VPS13C: variants seen among roughly 807,000 people sequenced by gnomAD.
The protein encoded by VPS13C is intermembrane lipid transfer protein VPS13C.
VPS13C carries 358 observed loss-of-function variants against 456.8 expected under a neutral mutation model. That is an observed-to-expected ratio of 0.78 (90% confidence interval 0.72 to 0.86). VPS13C has a LOEUF of 0.86. Ranked by LOEUF, VPS13C falls within the 40% of genes least tolerant of loss-of-function variation. The pLI, the probability that VPS13C is intolerant of heterozygous loss-of-function variation, is 0.00. For missense variants in VPS13C, 4,818 were observed against 4,385.4 expected (o/e 1.10, Z -2.79); for synonymous variants, 1,578 against 1,486.7 (o/e 1.06, Z -1.41).
At chr15:61,892,602 G>A (rs13379947) in intron 66 of VPS13C, among the ~76,000 whole-genome samples, 57,110 of 151,956 alleles carry the variant, frequency 0.38, 11,334 homozygotes, top group Non-Finnish European at 0.43. Context: ...ATGTCCACAA[G>A]AAACAACAGC....
intron 63 of VPS13C, among the ~76,000 whole-genome samples, chr15:61,910,812 C>T (rs977029676): frequency 2.6e-5 from 4 of 152,022 alleles, no homozygotes; most frequent in African/African-American, 7.2e-5. Flanking sequence ...CTTCTTTGAG[C>T]CTCAGTTTTA....
At chr15:62,006,880 T>G (rs556649562) in intron 15 of VPS13C, among the ~76,000 whole-genome samples, 1 of 152,308 alleles carries the variant, frequency 6.6e-6, no homozygotes, top group South Asian at 2.1e-4. Context: ...TTTTCATGTG[T>G]TTTTTGGCTG....
chr15:62,015,960 CAAAAAAAAAAAAAA>C (rs67786303), intron 9 of VPS13C, among the ~76,000 whole-genome samples: 1 of 72,408 alleles, frequency 1.4e-5, no homozygotes, highest in Admixed American at 1.6e-4. Context: ...AAAAGAAGTC[CAAAAAAAAAAAAAA>C]AAAAAAAAAA....
chr15:62,016,121 T>C (rs1399203376), intron 9 of VPS13C, among the ~76,000 whole-genome samples: 1 of 151,538 alleles, frequency 6.6e-6, no homozygotes, highest in Admixed American at 6.6e-5. Flanking sequence ...CACATAACCA[T>C]GTCCTTCTTT....
intron 15 of VPS13C, 74 bp from the exon 16 acceptor site, chr15:62,000,700 T>C (rs1225861846): frequency 1.7e-6 from 2 of 1,194,734 alleles, no homozygotes; most frequent in South Asian, 1.5e-5. Context: ...TCATGATTTC[T>C]AGGCATATCT....
chr15:61,966,165 TA>T, intron 29 of VPS13C, 23 bp from the exon 30 acceptor site: 1 of 1,569,852 alleles, frequency 6.4e-7, no homozygotes, highest in South Asian at 1.2e-5. Context: ...GTAAAAGTTC[TA>T]AAGAAGGTAC....
intron 50 of VPS13C, 86 bp from the exon 51 acceptor site, chr15:61,929,834 T>G: frequency 7.8e-7 from 1 of 1,286,136 alleles, no homozygotes; most frequent in Non-Finnish European, 1.1e-6. Flanking sequence ...CAATAATCTT[T>G]ATTTCACCTT....
chr15:62,007,178 C>G (rs2046879792), intron 15 of VPS13C, 130 bp downstream of exon 15: 2 of 837,240 alleles, frequency 2.4e-6, no homozygotes, highest in South Asian at 1.2e-4. Context: ...CATTTTCCCA[C>G]ATAATTCTCT....
intron 68 of VPS13C, 146 bp downstream of exon 68, chr15:61,883,982 G>T: frequency 3.6e-6 from 2 of 561,236 alleles, no homozygotes; most frequent in Non-Finnish European, 5.8e-6. Flanking sequence ...CATTAGACAC[G>T]CCAATCCTAT....
Position 61,874,950 on chromosome 15 carries a change from C to T in VPS13C, c.10340G>A (p.Gly3447Asp). 14 of 1,543,890 alleles carry T rather than the reference C, an allele frequency of 9.1e-6. No individual in the cohort carries two copies. The highest frequency in any genetic ancestry group is 1.2e-5 in the Non-Finnish European group (14 of 1,154,384). The change falls in exon 77 of 85, where the codon GGT (glycine) becomes GAT (aspartate). Residue 3447 changes from glycine to aspartate, a missense_variant and splice_region_variant. This residue lies in a region of VPS13C where 4,552 missense variants were observed against 4,130.6 expected (regional missense o/e 1.10). Coordinates refer to ENST00000644861, the MANE Select transcript of VPS13C (RefSeq NM_020821.3). ...VEALFYEPFQ[G>D]AVQGPEEFAE... ...AAATTCTTCAGGGCCTTGAACAGCA[C>T]CCTGGCAAAAAAAAATAAAAAATAA...
chr15:61,884,109 C>G lies in VPS13C; in HGVS notation c.9483+19G>C. 6.4e-7 allele frequency: 1 copy of G among 1,560,906 alleles called. No individual in the cohort carries two copies. The highest frequency in any genetic ancestry group is 8.6e-7 in the Non-Finnish European group (1 of 1,163,758). On this transcript the variant is annotated intron_variant, in intron 68 of 84. Transcript: ENST00000644861. ...GAAAATACACATATAAAAATCAAAA[C>G]AAAAGAATTTTGGTATACCTCAAAA...
At chr15:61,989,126 C>T (rs2046146176) in intron 18 of VPS13C, among the ~76,000 whole-genome samples, 2 of 151,498 alleles carry the variant, frequency 1.3e-5, no homozygotes, top group African/African-American at 4.9e-5. Context: ...AGTGGTGGCT[C>T]ACACCTGTAA....
In VPS13C at chr15:61,954,473, T is replaced by G. The variant is rs749411428; in HGVS notation, c.4247A>C (p.Glu1416Ala). 3 of 1,609,892 alleles carry G rather than the reference T, an allele frequency of 1.9e-6. No individual in the cohort carries two copies. The South Asian group carries it at 3.3e-5, about 18-fold the overall frequency. ...ATTAATGATGTCTACAGACCTAATT[T>G]CTTCCACTCCAGTTGTTAAAGTATT... The part of the protein sequence containing the change: ...SKNTLTTGVE[E>A]IRSVDIINML... Residue 1416 changes from glutamate (E) to alanine (A), a missense_variant, in exon 38 of 85, where the codon GAA becomes GCA. Glu to Ala is a moderately radical substitution (Grantham distance 107). This residue lies in a region of VPS13C where 4,552 missense variants were observed against 4,130.6 expected (regional missense o/e 1.10). Coordinates refer to ENST00000644861, the MANE Select transcript of VPS13C (RefSeq NM_020821.3).
At chr15:61,907,117 T>C in intron 66 of VPS13C, 147 bp downstream of exon 66, 1 of 1,086,528 alleles carries the variant, frequency 9.2e-7, no homozygotes, top group Non-Finnish European at 1.4e-6. Context: ...CTACAGTATT[T>C]GCCATCTAAA....
At chr15:62,034,748 T>G (rs539866800) in intron 4 of VPS13C, among the ~76,000 whole-genome samples, 7 of 151,952 alleles carry the variant, frequency 4.6e-5, no homozygotes, top group Non-Finnish European at 8.8e-5. Flanking sequence ...ATGAATTAAA[T>G]TTTCAACAAC....
intron 21 of VPS13C, among the ~76,000 whole-genome samples, 173 bp from the exon 22 acceptor site, chr15:61,981,651 G>T (rs371259770): frequency 6.6e-6 from 1 of 152,188 alleles, no homozygotes; most frequent in African/African-American, 2.4e-5. Context: ...ACGAGGTCAG[G>T]AGATCGAGAC....
intron 16 of VPS13C, among the ~76,000 whole-genome samples, chr15:61,994,960 A>G (rs777890904): frequency 6.6e-6 from 1 of 152,160 alleles, no homozygotes; most frequent in Non-Finnish European, 1.5e-5. Flanking sequence ...CAATTTTTTT[A>G]AAGAAAGAAA....
chr15:61,967,432 G>A lies in VPS13C; in HGVS notation c.2927C>T (p.Pro976Leu), dbSNP rs760331474. ...YHEIEGSKRK[P>L]LHLISSSDKP... ...GTCAGAAGAGCTAATCAAGTGAAGG[G>A]GCTTCCTTTTGGATCCTAGATTAAA... The change falls in exon 29 of 85, where the codon CCC (proline) becomes CTC (leucine). Residue 976 changes from proline (P) to leucine (L), a missense_variant. Physicochemically the swap from Pro to Leu is moderately conservative, Grantham distance 98. Coordinates refer to ENST00000644861, the MANE Select transcript of VPS13C (RefSeq NM_020821.3). 3.4e-5 allele frequency: 55 copies of A among 1,598,380 alleles called. No individual in the cohort carries two copies. Among genetic ancestry groups the A allele is most frequent in the Non-Finnish European group, 4.3e-5 (50 of 1,173,914 alleles).
At chr15:61,881,539 G>A in intron 71 of VPS13C, 24 bp downstream of exon 71, 1 of 1,556,362 alleles carries the variant, frequency 6.4e-7, no homozygotes, top group Non-Finnish European at 8.7e-7. Context: ...TTCTTTTAGA[G>A]AAACAGCAGG....
Sources: allele counts gnomAD v4.1 joint callset (sites outside exome capture counted in the v4.1 genomes callset), GRCh38; gene constraint gnomAD v4.1.1; regional missense constraint gnomAD v4.1.1; transcripts MANE v1.5; gene names NCBI Gene and HGNC (gene_info 2026-07-23, HGNC 2026-07-21).